The following DLGAP2 variants were observed in gnomAD, a reference collection of about 807,000 sequenced individuals.
DLGAP2 encodes DLG associated protein 2, also known as disks large-associated protein 2.
A neutral mutation model predicts 100.3 loss-of-function variants in DLGAP2; 26 were observed. That is an observed-to-expected ratio of 0.26 (90% confidence interval 0.19 to 0.36). DLGAP2 has a LOEUF of 0.36. DLGAP2 is among the 10% of genes least tolerant of loss of function. DLGAP2 has a pLI of 1.00. For missense variants in DLGAP2, 1,858 were observed against 1,453.2 expected (o/e 1.28, Z -4.53); for synonymous variants, 886 against 630.1 (o/e 1.41, Z -6.08).
intron 2 of DLGAP2, among the ~76,000 whole-genome samples, chr8:1,172,331 T>G (rs1797146663): frequency 1.3e-5 from 2 of 152,082 alleles, no homozygotes; most frequent in African/African-American, 4.8e-5. Context: ...TTCCTTCATT[T>G]CCACTTTGGT....
chr8:1,179,912 A>C (rs1354391776), intron 2 of DLGAP2, among the ~76,000 whole-genome samples: 1 of 152,210 alleles, frequency 6.6e-6, no homozygotes, highest in Non-Finnish European at 1.5e-5. Context: ...CAAAATAACG[A>C]GTAGATGGGA....
chr8:1,517,861 G>A (rs1584977986), intron 4 of DLGAP2, among the ~76,000 whole-genome samples: 1 of 152,190 alleles, frequency 6.6e-6, no homozygotes, highest in South Asian at 2.1e-4. Context: ...TGGGGGCAGG[G>A]TCATGGAATA....
rs1798767812 is a variant in DLGAP2, at chr8:1,470,847, CCCG to C, written c.107-30518_107-30516del. 3.7e-4 allele frequency among the ~76,000 whole-genome samples: 13 copies of C among 34,830 alleles called. 4 individuals carry two copies. The highest frequency in any genetic ancestry group is 1.3e-3 in the East Asian group (1 of 762). 22.8% of individuals were successfully genotyped at this position (34,830 alleles called of 152,430 possible). ...GCCTTTCCCGACCCCTCCAGGCTTT[CCCG>C]ACCCCTCCAGCCTTTCCCGACCCCT... On this transcript the variant is annotated intron_variant, in intron 3 of 14. Transcript: ENST00000637795.
At chr8:1,161,358 G>A (rs991196598) in intron 2 of DLGAP2, among the ~76,000 whole-genome samples, 1 of 152,150 alleles carries the variant, frequency 6.6e-6, no homozygotes, top group Non-Finnish European at 1.5e-5. Context: ...ACGTTTTACA[G>A]GCAGGTGGAA....
intron 2 of DLGAP2, among the ~76,000 whole-genome samples, chr8:1,181,457 T>C (rs955805337): frequency 1.3e-5 from 2 of 152,104 alleles, no homozygotes; most frequent in Non-Finnish European, 2.9e-5. Context: ...TTTTAGTGGC[T>C]GCATAGTATT....
chr8:905,412 G>C (rs563433130), intron 1 of DLGAP2, among the ~76,000 whole-genome samples: 8 of 152,126 alleles, frequency 5.3e-5, no homozygotes, highest in Admixed American at 1.3e-4. Context: ...GGGATCATTC[G>C]TCATACCATG....
At chr8:1,661,731 G>C (rs1341170287) in intron 8 of DLGAP2, among the ~76,000 whole-genome samples, 1 of 152,174 alleles carries the variant, frequency 6.6e-6, no homozygotes, top group Non-Finnish European at 1.5e-5. Flanking sequence ...AGGCCTGATG[G>C]CTGCTGTCCT....
intron 2 of DLGAP2, among the ~76,000 whole-genome samples, chr8:1,020,663 A>T (rs932713718): frequency 6.6e-6 from 1 of 152,218 alleles, no homozygotes; most frequent in Admixed American, 6.5e-5. Context: ...CCCTGATCTT[A>T]GGACTCACTG....
chr8:1,649,212 C>G (rs1240241860), intron 8 of DLGAP2, among the ~76,000 whole-genome samples: 4 of 152,034 alleles, frequency 2.6e-5, no homozygotes, highest in African/African-American at 9.7e-5. Flanking sequence ...AGCAAAAACC[C>G]AACCAGTAAA....
Position 1,164,235 on chromosome 8 carries a change from A to T in DLGAP2, c.74-94616A>T, listed in dbSNP as rs912282857. On this transcript the variant is annotated intron_variant, in intron 2 of 14. Coordinates refer to ENST00000637795, the MANE Select transcript of DLGAP2 (RefSeq NM_001346810.2). ...GCCCGTCATTTTGGTTTGTGGGGAC[A>T]GATTTTTCTGTGAGCCCCCCCAGGG... 3.2e-4 allele frequency among the ~76,000 whole-genome samples: 29 copies of T among 90,942 alleles called. 1 individual carries two copies. The highest frequency in any genetic ancestry group is 8.4e-4 in the South Asian group (2 of 2,390). The allele number at this position is 90,942 out of a possible 152,430, so 59.7% of individuals were successfully genotyped here.
chr8:956,084 A>G (rs1799590376), intron 2 of DLGAP2, among the ~76,000 whole-genome samples: 1 of 152,202 alleles, frequency 6.6e-6, no homozygotes, highest in African/African-American at 2.4e-5. Context: ...ATGGTTACCA[A>G]CACAGGCCAA....
intron 2 of DLGAP2, among the ~76,000 whole-genome samples, chr8:1,073,786 A>T (rs1253193508): frequency 6.6e-6 from 1 of 152,166 alleles, no homozygotes; most frequent in East Asian, 1.9e-4. Flanking sequence ...TCCTTCCCAA[A>T]CGCTTTATCT....
chr8:1,251,193 T>C (rs1276784484), intron 2 of DLGAP2, among the ~76,000 whole-genome samples: 10 of 152,228 alleles, frequency 6.6e-5, no homozygotes, highest in Non-Finnish European at 1.5e-4. Flanking sequence ...AAAAATTTAC[T>C]GTCATCCTGG....
intron 3 of DLGAP2, among the ~76,000 whole-genome samples, chr8:1,429,502 G>A (rs1308261254): frequency 2.6e-5 from 4 of 152,130 alleles, no homozygotes; most frequent in Non-Finnish European, 5.9e-5. Context: ...CTGGGTTAAC[G>A]TGCTGATGGT....
At chr8:1,639,443 G>A (rs1190282046) in intron 8 of DLGAP2, among the ~76,000 whole-genome samples, 8 of 152,234 alleles carry the variant, frequency 5.3e-5, no homozygotes, top group South Asian at 4.1e-4. Flanking sequence ...CCCTCTATGC[G>A]GAGCAGCAGG....
At chr8:1,514,201 T>C (rs147701719) in intron 4 of DLGAP2, among the ~76,000 whole-genome samples, 1 of 152,224 alleles carries the variant, frequency 6.6e-6, no homozygotes, top group Non-Finnish European at 1.5e-5. Flanking sequence ...TGTACATAAT[T>C]AGAGATATGT....
intron 2 of DLGAP2, among the ~76,000 whole-genome samples, chr8:956,231 A>G (rs1029047393): frequency 6.6e-6 from 1 of 152,156 alleles, no homozygotes; most frequent in Non-Finnish European, 1.5e-5. Flanking sequence ...GATATTGGAA[A>G]CTTTTCCACT....
intron 2 of DLGAP2, among the ~76,000 whole-genome samples, chr8:1,055,416 A>G (rs1802849889): frequency 6.6e-6 from 1 of 152,194 alleles, no homozygotes; most frequent in Non-Finnish European, 1.5e-5. Context: ...TATTAATGTA[A>G]TAAGATATCT....
At chr8:1,574,376 G>A (rs1379148245) in intron 6 of DLGAP2, among the ~76,000 whole-genome samples, 2 of 152,066 alleles carry the variant, frequency 1.3e-5, no homozygotes, top group Admixed American at 6.5e-5. Flanking sequence ...TAACTGTGCT[G>A]AAGCCAACAC....
Sources: allele counts gnomAD v4.1 joint callset (sites outside exome capture counted in the v4.1 genomes callset), GRCh38; gene constraint gnomAD v4.1.1; transcripts MANE v1.5; gene names NCBI Gene and HGNC (gene_info 2026-07-23, HGNC 2026-07-21).